IFT70A: variants seen among roughly 807,000 people sequenced by gnomAD.
IFT70A encodes the protein intraflagellar transport protein 70A.
At chr2:177,618,649 A>G in the IFT70A span, 2 of 1,607,592 alleles carry the variant, frequency 1.2e-6, no homozygotes, top group East Asian at 2.2e-5. Flanking sequence ...GAGCCGGTAC[A>G]CTAGCGCGGT....
chr2:177,616,532 T>C, the IFT70A span: 1 of 535,804 alleles, frequency 1.9e-6, no homozygotes, highest in African/African-American at 2.0e-5. Context: ...TTACACTGCA[T>C]AGTCCCTACC....
chr2:177,617,151 T>C, the IFT70A span: 2 of 1,605,732 alleles, frequency 1.2e-6, no homozygotes, highest in Non-Finnish European at 1.7e-6. Flanking sequence ...TCAACTCCTC[T>C]GCTTCTTCAT....
the IFT70A span, chr2:177,614,459 A>C: frequency 6.6e-6 from 1 of 152,136 alleles, no homozygotes; most frequent in South Asian, 2.1e-4. Context: ...CTATTCTACA[A>C]CTTACATAGA....
At chr2:177,614,055 A>G in the IFT70A span, 1 of 152,300 alleles carries the variant, frequency 6.6e-6, no homozygotes, top group Admixed American at 6.5e-5. Context: ...ATGATGTTGT[A>G]GAACGGATTT....
chr2:177,615,195 T>C, the IFT70A span: 4 of 152,214 alleles, frequency 2.6e-5, no homozygotes, highest in Non-Finnish European at 5.9e-5. Context: ...TCTGGCAGAC[T>C]GGCATCTAAA....
At chr2:177,617,927 C>G in the IFT70A span, 1 of 1,614,050 alleles carries the variant, frequency 6.2e-7, no homozygotes, top group South Asian at 1.1e-5. Context: ...TATTCTATGG[C>G]TGCCTTAAGG....
At chr2:177,614,582 T>C in the IFT70A span, 1 of 152,186 alleles carries the variant, frequency 6.6e-6, no homozygotes, top group African/African-American at 2.4e-5. Flanking sequence ...TTAAAAGGTT[T>C]CCAAAGTCAC....
At chr2:177,616,700 A>G in the IFT70A span, 3 of 1,494,304 alleles carry the variant, frequency 2.0e-6, no homozygotes, top group African/African-American at 1.4e-5. Flanking sequence ...ACTATCAGTC[A>G]TAACTACTTA....
the IFT70A span, chr2:177,615,214 TGTTAGAAGCAGGA>T: frequency 6.6e-6 from 1 of 152,212 alleles, no homozygotes; most frequent in Non-Finnish European, 1.5e-5. Context: ...AAGGCCTTCA[TGTTAGAAGCAGGA>T]GAGGCTCTAA....
the IFT70A span, chr2:177,617,321 T>A: frequency 1.3e-6 from 2 of 1,587,234 alleles, no homozygotes; most frequent in East Asian, 4.5e-5. Context: ...ACATTCAACT[T>A]CCACACATCA....
the IFT70A span, chr2:177,617,257 T>A: frequency 6.3e-7 from 1 of 1,579,562 alleles, no homozygotes; most frequent in South Asian, 1.2e-5. Flanking sequence ...TATGGGTTCA[T>A]AGAAACCAAT....
At chr2:177,617,978 T>C in the IFT70A span, 2 of 1,614,072 alleles carry the variant, frequency 1.2e-6, no homozygotes, top group Non-Finnish European at 1.7e-6. Context: ...AGAACTAAGG[T>C]GTTGCCAACA....
chr2:177,616,802 G>A, the IFT70A span: 3 of 1,598,816 alleles, frequency 1.9e-6, no homozygotes, highest in Middle Eastern at 1.7e-4. Context: ...TCTTCTTCGA[G>A]GGGTTGTTCA....
At chr2:177,614,653 T>C in the IFT70A span, 2 of 152,220 alleles carry the variant, frequency 1.3e-5, no homozygotes, top group Non-Finnish European at 2.9e-5. Flanking sequence ...TATGCATCTT[T>C]TATACCTGGT....
chr2:177,614,751 A>T, the IFT70A span: 1 of 152,146 alleles, frequency 6.6e-6, no homozygotes, highest in South Asian at 2.1e-4. Context: ...GAAAGAGAAC[A>T]GGGTGGTAAG....
At chr2:177,613,148 TCTC>T in the IFT70A span, 28 of 152,208 alleles carry the variant, frequency 1.8e-4, no homozygotes, top group African/African-American at 6.5e-4. Flanking sequence ...CATGTATAGC[TCTC>T]CTCTGTTCTT....
At chr2:177,618,660 A>G in the IFT70A span, 21 of 1,603,906 alleles carry the variant, frequency 1.3e-5, no homozygotes, top group East Asian at 2.2e-4. Flanking sequence ...CTAGCGCGGT[A>G]AACTCCCCGT....
chr2:177,615,208 C>T, the IFT70A span: 8 of 152,234 alleles, frequency 5.3e-5, no homozygotes, highest in Admixed American at 5.2e-4. Flanking sequence ...CATCTAAAGG[C>T]CTTCATGTTA....
chr2:177,617,012 T>C, the IFT70A span: 1 of 1,613,654 alleles, frequency 6.2e-7, no homozygotes, highest in Non-Finnish European at 8.5e-7. Flanking sequence ...ACTCGAGAAA[T>C]ACCAAACTCA....
Sources: allele counts gnomAD v4.1 joint callset, GRCh38; gene constraint gnomAD v4.1.1; transcripts MANE v1.5; gene names NCBI Gene and HGNC (gene_info 2026-07-23, HGNC 2026-07-21).